CLCN6: variants seen among roughly 807,000 people sequenced by gnomAD.
CLCN6 encodes the protein H(+)/Cl(-) exchange transporter 6.
A neutral mutation model predicts 109.8 loss-of-function variants in CLCN6; 70 were observed. The observed-to-expected ratio is 0.64, with a 90% CI of 0.53 to 0.78. The LOEUF is 0.78. CLCN6 is among the 30% of genes least tolerant of loss of function. The pLI is 0.00. For synonymous variants in CLCN6, 444 were observed against 447.8 expected, an observed-to-expected ratio of 0.99 and a Z score of 0.11; for missense variants, 984 against 1,142.3, an observed-to-expected ratio of 0.86 and a Z score of 2.00.
chr1:11,838,827 C>T (rs1470516622), intron 22 of CLCN6, 167 bp downstream of exon 22: 1 of 981,774 alleles, frequency 1.0e-6, no homozygotes, highest in Admixed American at 1.9e-5. Flanking sequence ...ACTCGGGACC[C>T]TTTCCCCTGC....
In CLCN6 at chr1:11,812,335, C is replaced by G. The variant is rs181389795; in HGVS notation, c.148-3511C>G. ...AAGGAACGTGGGAGGGGGCACGGAGCTTTCATGCCCTCTCCAGGCACGCTA... is the reference window on the plus strand; with the variant it reads ...AAGGAACGTGGGAGGGGGCACGGAGGTTTCATGCCCTCTCCAGGCACGCTA... On this transcript the variant is annotated intron_variant, in intron 2 of 22. Coordinates refer to ENST00000346436, the MANE Select transcript of CLCN6 (RefSeq NM_001286.5). Among the ~76,000 whole-genome samples the G allele has an allele frequency of 3.3e-3, 510 of 152,314 alleles. 3 individuals are homozygous for G. Among genetic ancestry groups the G allele is most frequent in the African/African-American group, 0.011 (461 of 41,574 alleles).
chr1:11,818,229 A>G lies in CLCN6; in HGVS notation c.280-1259A>G, dbSNP rs560334628. On this transcript the variant is annotated intron_variant, in intron 4 of 22. Transcript: ENST00000346436. ...AGTTGTTAGTGTTTGTGCTACTTTT[A>G]TATCAAACTCTTTGGAGCTGCCACT... is the stretch of plus-strand genomic sequence containing the variant. Among the ~76,000 whole-genome samples, 3 of 152,280 alleles carry G rather than the reference A, an allele frequency of 2.0e-5. No individual in the cohort carries two copies. In the South Asian group the frequency reaches 6.2e-4, roughly 32 times the overall value.
intron 9 of CLCN6, 67 bp downstream of exon 9, chr1:11,826,281 C>T (rs1431285486): frequency 3.2e-5 from 41 of 1,284,674 alleles, no homozygotes; most frequent in Non-Finnish European, 4.2e-5. Context: ...GGGTCAGACT[C>T]GACACTTGCT....
chr1:11,822,565 T>A (rs1302610329), intron 5 of CLCN6, 130 bp from the exon 6 acceptor site: 34 of 572,444 alleles, frequency 5.9e-5, no homozygotes, highest in Middle Eastern at 4.8e-4. Context: ...TTTTAAAAAA[T>A]TTTTATATAT....
chr1:11,840,031 A>G (rs1241229540), intron 22 of CLCN6, 112 bp from the exon 23 acceptor site: 5 of 862,338 alleles, frequency 5.8e-6, no homozygotes, highest in Middle Eastern at 2.2e-4. Context: ...CTGGCTGTGC[A>G]CTATCCAGGC....
chr1:11,825,158 G>A (rs1460687051), intron 8 of CLCN6, among the ~76,000 whole-genome samples: 1 of 152,194 alleles, frequency 6.6e-6, no homozygotes, highest in Non-Finnish European at 1.5e-5. Context: ...GCTGCTGTTG[G>A]AGAAGTCTCA....
intron 9 of CLCN6, 152 bp from the exon 10 acceptor site, chr1:11,826,937 G>C (rs189741230): frequency 4.6e-6 from 4 of 862,500 alleles, no homozygotes; most frequent in South Asian, 3.7e-5. Flanking sequence ...ACACACTCGC[G>C]GCAAAGGCTG....
chr1:11,806,430 C>G, intron 1 of CLCN6, 81 bp downstream of exon 1: 1 of 1,299,546 alleles, frequency 7.7e-7, no homozygotes, highest in Non-Finnish European at 1.0e-6. Flanking sequence ...TGGGGCCGGG[C>G]CAATCTGGGC....
intron 13 of CLCN6, among the ~76,000 whole-genome samples, chr1:11,831,968 A>G (rs1180845649): frequency 6.6e-6 from 1 of 152,240 alleles, no homozygotes. Flanking sequence ...CACCCAACCT[A>G]AATACGTTCC....
At chr1:11,827,849 T>C (rs1644832911) in intron 10 of CLCN6, among the ~76,000 whole-genome samples, 1 of 152,212 alleles carries the variant, frequency 6.6e-6, no homozygotes, top group African/African-American at 2.4e-5. Flanking sequence ...TCCTTCCTTT[T>C]GGTGCAAGGT....
intron 2 of CLCN6, among the ~76,000 whole-genome samples, chr1:11,808,039 T>C (rs545851519): frequency 1.2e-4 from 19 of 152,304 alleles, no homozygotes; most frequent in Middle Eastern, 6.8e-3. Context: ...TGTAGCACTT[T>C]TTTGTTTAAC....
At chr1:11,833,169 C>T (rs1644901423) in intron 13 of CLCN6, among the ~76,000 whole-genome samples, 1 of 152,088 alleles carries the variant, frequency 6.6e-6, no homozygotes, top group Non-Finnish European at 1.5e-5. Context: ...GCCTCATATT[C>T]CCCCAGTCCT....
At chr1:11,820,642 C>T (rs1044084760) in intron 5 of CLCN6, 9 of 319,156 alleles carry the variant, frequency 2.8e-5, no homozygotes, top group South Asian at 4.5e-5. Flanking sequence ...CGGTGTGCGC[C>T]TGTAGTCCCA....
chr1:11,833,262 C>G (rs1340881874), intron 13 of CLCN6, among the ~76,000 whole-genome samples: 1 of 152,126 alleles, frequency 6.6e-6, no homozygotes, highest in Admixed American at 6.5e-5. Flanking sequence ...CACGGTGAAT[C>G]ACGGCCATAG....
Position 11,834,020 on chromosome 1 carries a change from G to A in CLCN6, c.1516G>A (p.Val506Ile). ...TGCTTTTGGACGTTTAGTTGCCAAT[G>A]TCCTAAAAAGGTACTCTGTGTGTGT... ...GAAFGRLVAN[V>I]LKSYIGLGHI... Residue 506 changes from valine (V) to isoleucine (I), a missense_variant, in exon 15 of 23, where the codon GTC becomes ATC. Transcript: ENST00000346436. The surrounding 1 kb of genome is among the most constrained non-coding windows in gnomAD (Gnocchi z 4.5). The A allele has an allele frequency of 6.2e-7, 1 of 1,614,072 alleles. No homozygotes were observed. Among genetic ancestry groups the A allele is most frequent in the Non-Finnish European group, 8.5e-7 (1 of 1,179,970 alleles).
rs759665554 is a variant in CLCN6, at chr1:11,838,629, G to A, written c.2498G>A (p.Arg833His). 8 of 1,614,206 alleles carry A rather than the reference G, an allele frequency of 5.0e-6. No individual in the cohort carries two copies. The highest frequency in any genetic ancestry group is 2.2e-5 in the South Asian group (2 of 91,080). ...AACCTGTTCAGAACGATGGGCCTGC[G>A]CCACCTGCCCGTGGTGAACGCTGTG... ...VFNLFRTMGL[R>H]HLPVVNAVGE... Residue 833 changes from arginine to histidine, a missense_variant, in exon 22 of 23, where the codon CGC becomes CAC. Arg to His is a conservative substitution (Grantham distance 29). Transcript: ENST00000346436.
rs1359328796 is a variant in CLCN6 at position 11,830,737 on chromosome 1, T to TCATATATA, written c.1248+1415_1248+1416insCATATATA. On this transcript the variant is annotated intron_variant, in intron 13 of 22. Coordinates refer to ENST00000346436, the MANE Select transcript of CLCN6 (RefSeq NM_001286.5). ...CAGTGTCCCCAGTTATATGTATATA[T>TCATATATA]TATATATATATATATATATATATAT... Among the ~76,000 whole-genome samples the TCATATATA allele has an allele frequency of 1.2e-3, 113 of 91,120 alleles. 3 individuals carry two copies. The highest frequency in any genetic ancestry group is 4.8e-3 in the Admixed American group (49 of 10,106). The allele number at this position is 91,120 out of a possible 152,430, so 59.8% of individuals were successfully genotyped here. A position where few individuals can be genotyped will look rare whatever the true frequency, so the allele number is the denominator to read the frequency against.
chr1:11,810,571 C>T (rs1400803389), intron 2 of CLCN6, among the ~76,000 whole-genome samples: 1 of 152,180 alleles, frequency 6.6e-6, no homozygotes. Flanking sequence ...TGCTCGTAAC[C>T]CCCTGTAACA....
In CLCN6 at chr1:11,834,774, G is replaced by A. The variant is rs963538321; in HGVS notation, c.1793+184G>A. On this transcript the variant is annotated intron_variant, in intron 17 of 22. Transcript: ENST00000346436. The surrounding 1 kb of genome is among the most constrained non-coding windows in gnomAD (Gnocchi z 4.5). ...ATGGGCTGGGGGCTGCGGGGGCAGG[G>A]CAGGGGACACGGGCACTGTGGGACT... 2.0e-5 allele frequency among the ~76,000 whole-genome samples: 3 copies of A among 152,186 alleles called. No individual in the cohort carries two copies. Among genetic ancestry groups the A allele is most frequent in the African/African-American group, 4.8e-5 (2 of 41,454 alleles).
Sources: gnomAD v4.1 joint callset for allele counts (sites outside exome capture counted in the v4.1 genomes callset) on GRCh38, gnomAD v4.1.1 for gene constraint, Gnocchi (gnomAD v3.1) non-coding constraint, MANE v1.5 for transcripts, NCBI Gene and HGNC (gene_info 2026-07-23, HGNC 2026-07-21) for gene names.